HS2ST1: variants seen among roughly 807,000 people sequenced by gnomAD.
The protein encoded by HS2ST1 is 2-O-sulfotransferase.
Under a neutral mutation model 42.9 loss-of-function variants are expected in HS2ST1, and 18 were observed. That is an observed-to-expected ratio of 0.42 (90% CI 0.29 to 0.62). The LOEUF (loss-of-function observed/expected upper bound fraction) is 0.62. Ranked by LOEUF, HS2ST1 falls within the 20% of genes least tolerant of loss-of-function variation. The pLI, the probability that HS2ST1 is intolerant of heterozygous loss-of-function variation, is 0.21. For synonymous variants in HS2ST1, 146 were observed against 152.9 expected (o/e 0.95, Z 0.33); for missense variants, 334 against 433.8 (o/e 0.77, Z 2.04).
intron 1 of HS2ST1, among the ~76,000 whole-genome samples, chr1:86,960,733 C>T (rs1647815757): frequency 6.6e-6 from 1 of 152,140 alleles, no homozygotes; most frequent in African/African-American, 2.4e-5. Flanking sequence ...ATACTATACA[C>T]CTATTAGAGT....
chr1:86,986,917 A>C (rs750434664), intron 1 of HS2ST1, among the ~76,000 whole-genome samples: 20 of 152,066 alleles, frequency 1.3e-4, no homozygotes, highest in Non-Finnish European at 2.4e-4. Flanking sequence ...AAAAATAATA[A>C]CACCACCTAA....
chr1:87,050,723 T>C (rs1050189380), intron 1 of HS2ST1, among the ~76,000 whole-genome samples: 1 of 152,142 alleles, frequency 6.6e-6, no homozygotes, highest in Admixed American at 6.5e-5. Flanking sequence ...TAAGGTAATG[T>C]AACTTTCCAT....
intron 4 of HS2ST1, among the ~76,000 whole-genome samples, chr1:87,096,534 G>A (rs1270493855): frequency 6.6e-6 from 1 of 152,156 alleles, no homozygotes; most frequent in Non-Finnish European, 1.5e-5. Flanking sequence ...TTGCTTGAAA[G>A]CTTAATTTTT....
chr1:87,103,381 A>AAAAGG (rs1557547257), intron 5 of HS2ST1, 51 bp from the exon 6 acceptor site: 16 of 1,519,386 alleles, frequency 1.1e-5, no homozygotes. Flanking sequence ...GGCACCAGAA[A>AAAAGG]CACTCAGCAG....
At chr1:86,920,954 G>C (rs781210228) in intron 1 of HS2ST1, among the ~76,000 whole-genome samples, 1 of 151,578 alleles carries the variant, frequency 6.6e-6, no homozygotes, top group Non-Finnish European at 1.5e-5. Flanking sequence ...GATTTTAAGT[G>C]TTTTCACCAT....
At chr1:86,986,335 G>A (rs1324901142) in intron 1 of HS2ST1, among the ~76,000 whole-genome samples, 1 of 152,062 alleles carries the variant, frequency 6.6e-6, no homozygotes, top group African/African-American at 2.4e-5. Context: ...GCTGCATTAA[G>A]TTCCACTAGG....
At chr1:87,015,992 T>C (rs1181639164) in intron 1 of HS2ST1, among the ~76,000 whole-genome samples, 5 of 151,890 alleles carry the variant, frequency 3.3e-5, no homozygotes, top group Non-Finnish European at 5.9e-5. Context: ...AATTTTTATA[T>C]TTTTAGTAGA....
intron 1 of HS2ST1, among the ~76,000 whole-genome samples, chr1:86,998,163 G>A (rs1278969030): frequency 6.6e-6 from 1 of 152,052 alleles, no homozygotes; most frequent in Non-Finnish European, 1.5e-5. Flanking sequence ...TCTTGCTAAG[G>A]GTTTCCAATA....
chr1:86,993,180 TC>T, intron 1 of HS2ST1: 1 of 1,565,706 alleles, frequency 6.4e-7, no homozygotes. Flanking sequence ...GACTTTCATT[TC>T]AAAAGCTTTT....
intron 1 of HS2ST1, chr1:86,993,083 T>G: frequency 6.3e-7 from 1 of 1,596,672 alleles, no homozygotes; most frequent in Non-Finnish European, 8.5e-7. Flanking sequence ...TTCCTGTACA[T>G]GCTGTTTATC....
At chr1:86,916,421 A>T (rs1660159769) in intron 1 of HS2ST1, among the ~76,000 whole-genome samples, 1 of 152,174 alleles carries the variant, frequency 6.6e-6, no homozygotes, top group African/African-American at 2.4e-5. Context: ...ACCAGAAAAT[A>T]ATTGTAATAT....
chr1:87,002,288 T>G (rs1165456828), intron 1 of HS2ST1, among the ~76,000 whole-genome samples: 2 of 152,184 alleles, frequency 1.3e-5, no homozygotes, highest in Non-Finnish European at 1.5e-5. Flanking sequence ...TAGCTACTAT[T>G]TAGACTGTTA....
At chr1:87,076,937 C>T (rs961064801) in intron 2 of HS2ST1, among the ~76,000 whole-genome samples, 4 of 152,142 alleles carry the variant, frequency 2.6e-5, no homozygotes, top group African/African-American at 9.7e-5. Context: ...TTTAGGTTAT[C>T]TGCGTTAGAG....
intron 3 of HS2ST1, among the ~76,000 whole-genome samples, chr1:87,088,109 A>C (rs1186431364): frequency 6.6e-6 from 1 of 152,068 alleles, no homozygotes; most frequent in Non-Finnish European, 1.5e-5. Context: ...GTCTTCTTTC[A>C]GTTACCATAT....
chr1:86,923,033 G>A (rs1482123039), intron 1 of HS2ST1, among the ~76,000 whole-genome samples: 3 of 152,148 alleles, frequency 2.0e-5, no homozygotes, highest in Non-Finnish European at 2.9e-5. Context: ...TTGTGTGTGT[G>A]TGTGTTGTTT....
At chr1:86,941,345 A>G (rs1033703144) in intron 1 of HS2ST1, among the ~76,000 whole-genome samples, 1 of 148,064 alleles carries the variant, frequency 6.8e-6, no homozygotes, top group Non-Finnish European at 1.5e-5. Context: ...TGGAGTTTTT[A>G]TTCTTGGGGA....
At chr1:87,063,562 C>T (rs1651170164) in intron 1 of HS2ST1, among the ~76,000 whole-genome samples, 1 of 152,156 alleles carries the variant, frequency 6.6e-6, no homozygotes, top group Non-Finnish European at 1.5e-5. Flanking sequence ...GTCTTGAACT[C>T]CTGACCTCAT....
intron 1 of HS2ST1, among the ~76,000 whole-genome samples, chr1:86,945,527 C>T (rs189114139): frequency 2.6e-5 from 4 of 151,432 alleles, no homozygotes; most frequent in Admixed American, 1.3e-4. Context: ...GATTTGATTC[C>T]GCATCTCTTT....
At chr1:87,059,051 T>TC (rs1651050608) in intron 1 of HS2ST1, among the ~76,000 whole-genome samples, 1 of 152,094 alleles carries the variant, frequency 6.6e-6, no homozygotes, top group Non-Finnish European at 1.5e-5. Flanking sequence ...AGAGTGAGAC[T>TC]CCGTCTCAAA....
Sources: gnomAD v4.1 joint callset for allele counts (sites outside exome capture counted in the v4.1 genomes callset) on GRCh38, gnomAD v4.1.1 for gene constraint, MANE v1.5 for transcripts, NCBI Gene and HGNC (gene_info 2026-07-23, HGNC 2026-07-21) for gene names.